Variants in COBLL1 observed in about 807,000 individuals in gnomAD.
The protein encoded by COBLL1 is cordon-bleu WH2 repeat protein like 1.
COBLL1 carries 50 observed loss-of-function variants against 94.8 expected under a neutral mutation model. The ratio of observed to expected loss-of-function variants is 0.53; its 90% CI spans 0.42 to 0.67. COBLL1 has a LOEUF of 0.67. COBLL1 is among the 30% of genes least tolerant of loss of function. The pLI, the probability that COBLL1 is intolerant of heterozygous loss-of-function variation, is 0.00. For synonymous variants in COBLL1, 448 were observed against 473.8 expected (o/e 0.95, Z 0.71); for missense variants, 1,362 against 1,348.7 (o/e 1.01, Z -0.15).
chr2:164,774,599 G>A (rs1322361846), intron 2 of COBLL1, among the ~76,000 whole-genome samples: 1 of 152,134 alleles, frequency 6.6e-6, no homozygotes, highest in Admixed American at 6.6e-5. Flanking sequence ...TTCCATGTGT[G>A]CAATACTGAT....
intron 2 of COBLL1, among the ~76,000 whole-genome samples, chr2:164,835,331 G>T: frequency 6.6e-6 from 1 of 152,132 alleles, no homozygotes; most frequent in East Asian, 1.9e-4. Flanking sequence ...ATATTATTCA[G>T]CTATAAAAAG....
intron 2 of COBLL1, among the ~76,000 whole-genome samples, chr2:164,755,437 G>T (rs1687349621): frequency 6.6e-6 from 1 of 152,108 alleles, no homozygotes. Context: ...CTTAAAGAAT[G>T]AATCTACTTA....
At chr2:164,829,756 A>C (rs1302747578) in intron 2 of COBLL1, among the ~76,000 whole-genome samples, 1 of 152,206 alleles carries the variant, frequency 6.6e-6, no homozygotes, top group African/African-American at 2.4e-5. Flanking sequence ...AAATACTTTA[A>C]AATTTTTTTC....
intron 2 of COBLL1, among the ~76,000 whole-genome samples, chr2:164,744,095 T>G (rs1461438961): frequency 6.6e-6 from 1 of 152,212 alleles, no homozygotes; most frequent in Non-Finnish European, 1.5e-5. Context: ...CTACATTACT[T>G]GGACATAAAA....
At chr2:164,661,989 G>C (rs1691076301) in intron 2 of COBLL1, among the ~76,000 whole-genome samples, 1 of 151,934 alleles carries the variant, frequency 6.6e-6, no homozygotes, top group African/African-American at 2.4e-5. Flanking sequence ...ATTCACTCTT[G>C]TTTTTAAATT....
chr2:164,784,243 A>T (rs1402790999), intron 2 of COBLL1, among the ~76,000 whole-genome samples: 1 of 152,150 alleles, frequency 6.6e-6, no homozygotes, highest in Admixed American at 6.5e-5. Context: ...TATTTTATAG[A>T]CTTTAAGATC....
intron 3 of COBLL1, among the ~76,000 whole-genome samples, chr2:164,738,051 T>A (rs1315017329): frequency 6.6e-6 from 1 of 152,188 alleles, no homozygotes; most frequent in Non-Finnish European, 1.5e-5. Flanking sequence ...TGGAGTTCTG[T>A]GCTTTCTTTG....
rs1451165270 is a variant in COBLL1, at chr2:164,684,861, A to G, written c.*1085T>C. On this transcript the variant is annotated 3_prime_UTR_variant, in exon 14 of 14. Transcript: ENST00000652658. The stretch of plus-strand genomic sequence containing the variant: ...ACAAATTTAATATCATCTTGTTTGA[A>G]CAAAGCTTTCAGAATAAGTGAGCAA... 6.6e-6 allele frequency: 1 copy of G among 152,152 alleles called. No homozygotes were observed. Among genetic ancestry groups the G allele is most frequent in the East Asian group, 1.9e-4 (1 of 5,200 alleles). 9.4% of individuals were successfully genotyped at this position (152,152 alleles called of 1,614,324 possible). A position where few individuals can be genotyped will look rare whatever the true frequency, so the allele number is the denominator to read the frequency against.
chr2:164,837,439 G>A (rs1238136873), intron 2 of COBLL1: 8 of 457,870 alleles, frequency 1.7e-5, no homozygotes, highest in East Asian at 1.4e-4. Context: ...TTTGACTATC[G>A]CTCTCTTCTC....
At chr2:164,720,194 A>G (rs929154533) in intron 7 of COBLL1, among the ~76,000 whole-genome samples, 4 of 152,138 alleles carry the variant, frequency 2.6e-5, no homozygotes, top group Non-Finnish European at 5.9e-5. Context: ...CAATACATCA[A>G]AGAACTATCC....
rs751171803 is a variant in COBLL1 at position 164,722,174 on chromosome 2, C to T, written c.897G>A (p.Pro299=). The T allele has an allele frequency of 2.7e-5, 43 of 1,613,942 alleles. 1 individual carries two copies. The South Asian group carries it at 2.9e-4, about 11-fold the overall frequency. The change falls in exon 7 of 14, where the codon CCG becomes CCA. Residue 299 remains proline, a synonymous_variant. Transcript: ENST00000652658. The part of the protein sequence containing the change: ...APKKRRAPLP[P]MPASQSVPQD... ...GGGGGACACTCTGAGATGCTGGCATCGGGGGCAGTGGAGCCCGCCTCTTCT... is the reference window on the plus strand; with the variant it reads ...GGGGGACACTCTGAGATGCTGGCATTGGGGGCAGTGGAGCCCGCCTCTTCT...
intron 2 of COBLL1, among the ~76,000 whole-genome samples, chr2:164,752,624 A>G (rs1211395647): frequency 2.6e-5 from 4 of 152,144 alleles, no homozygotes; most frequent in Admixed American, 1.3e-4. Flanking sequence ...GACAACTACA[A>G]ATGAAAACCC....
intron 13 of COBLL1, chr2:164,687,410 C>A: frequency 1.1e-6 from 1 of 910,298 alleles, no homozygotes; most frequent in Non-Finnish European, 1.8e-6. Context: ...TTGGTGAAGC[C>A]CCATTTCTTT....
intron 2 of COBLL1, among the ~76,000 whole-genome samples, chr2:164,781,077 G>A (rs1559009613): frequency 1.3e-5 from 2 of 152,150 alleles, no homozygotes; most frequent in African/African-American, 2.4e-5. Flanking sequence ...GTTTCATAAT[G>A]TTGCACTGTA....
intron 2 of COBLL1, among the ~76,000 whole-genome samples, chr2:164,762,550 A>G (rs1469277688): frequency 6.6e-6 from 1 of 152,206 alleles, no homozygotes; most frequent in Non-Finnish European, 1.5e-5. Flanking sequence ...TTTAATCAAT[A>G]TATCAAATGT....
chr2:164,808,766 AT>A (rs1405103577), intron 2 of COBLL1, among the ~76,000 whole-genome samples: 1 of 152,180 alleles, frequency 6.6e-6, no homozygotes, highest in African/African-American at 2.4e-5. Flanking sequence ...AAACTTTAAA[AT>A]TTTAAGTAAA....
At chr2:164,759,635 A>G (rs1687586079) in intron 2 of COBLL1, among the ~76,000 whole-genome samples, 1 of 152,156 alleles carries the variant, frequency 6.6e-6, no homozygotes, top group Non-Finnish European at 1.5e-5. Context: ...CGCAAGCCAC[A>G]GACTGGGAGA....
intron 7 of COBLL1, among the ~76,000 whole-genome samples, chr2:164,718,052 T>A (rs1036521685): frequency 6.6e-6 from 1 of 152,232 alleles, no homozygotes; most frequent in Non-Finnish European, 1.5e-5. Context: ...AAGCAATCTT[T>A]AAGTTAACCA....
rs544097857 is a variant in COBLL1, at chr2:164,672,561, C to T, written n.127-6660G>A. On this transcript the variant is annotated intron_variant and non_coding_transcript_variant, in intron 1 of 2. Coordinates refer to the COBLL1 transcript ENST00000495084. ...AAAATACAAAAAAATTAGCCGGGCG[C>T]GGTGGCGGGCGCCTGTAGTCCCAGC... is the stretch of plus-strand genomic sequence containing the variant. 6.9e-3 allele frequency among the ~76,000 whole-genome samples: 1,039 copies of T among 151,534 alleles called. 10 individuals carry two copies. The highest frequency in any genetic ancestry group is 0.022 in the African/African-American group (924 of 41,302).
Sources: allele counts gnomAD v4.1 joint callset (sites outside exome capture counted in the v4.1 genomes callset), GRCh38; gene constraint gnomAD v4.1.1; transcripts MANE v1.5; gene names NCBI Gene and HGNC (gene_info 2026-07-23, HGNC 2026-07-21).